GLRA3: variants seen among roughly 807,000 people sequenced by gnomAD.
GLRA3 encodes the protein glycine receptor alpha 3.
Under a neutral mutation model 60.4 loss-of-function variants are expected in GLRA3, and 44 were observed. The observed-to-expected ratio is 0.73, with a 90% confidence interval of 0.57 to 0.94. The LOEUF (loss-of-function observed/expected upper bound fraction) is 0.94. GLRA3 is among the 40% of genes least tolerant of loss of function. The pLI is 0.00. For missense variants in GLRA3, 508 were observed against 564.6 expected (o/e 0.90, Z 1.02); for synonymous variants, 223 against 192.9 (o/e 1.16, Z -1.29).
At chr4:174,715,801 G>A (rs1240698143) in intron 4 of GLRA3, among the ~76,000 whole-genome samples, 19 of 152,142 alleles carry the variant, frequency 1.2e-4, no homozygotes, top group South Asian at 4.1e-4. Context: ...TAAAGTAATC[G>A]TGGGTTTTGC....
chr4:174,757,148 T>A (rs993092910), intron 3 of GLRA3, among the ~76,000 whole-genome samples: 2 of 152,164 alleles, frequency 1.3e-5, no homozygotes, highest in African/African-American at 2.4e-5. Context: ...TACAAAAAAT[T>A]GGAAAAGTAC....
intron 5 of GLRA3, among the ~76,000 whole-genome samples, chr4:174,690,133 G>A (rs1278139516): frequency 6.6e-6 from 1 of 152,058 alleles, no homozygotes; most frequent in African/African-American, 2.4e-5. Flanking sequence ...TTGTAAGTGG[G>A]AAAAAAATAA....
intron 2 of GLRA3, among the ~76,000 whole-genome samples, chr4:174,779,760 A>G (rs1738787834): frequency 6.6e-6 from 1 of 152,010 alleles, no homozygotes; most frequent in Non-Finnish European, 1.5e-5. Context: ...GGAAGTTTAG[A>G]GAAAAAAGAA....
intron 1 of GLRA3, among the ~76,000 whole-genome samples, chr4:174,811,876 AT>A (rs1740289111): frequency 6.6e-6 from 1 of 152,148 alleles, no homozygotes; most frequent in Non-Finnish European, 1.5e-5. Context: ...TTTCAGGTAC[AT>A]TTTTCTAGTC....
chr4:174,661,811 G>T (rs1451569849), intron 7 of GLRA3, among the ~76,000 whole-genome samples: 1 of 152,164 alleles, frequency 6.6e-6, no homozygotes, highest in African/African-American at 2.4e-5. Context: ...GTAGAAAAGG[G>T]AAGGGAAGAA....
chr4:174,711,788 G>A (rs1174246405), intron 5 of GLRA3, among the ~76,000 whole-genome samples: 2 of 151,920 alleles, frequency 1.3e-5, no homozygotes, highest in African/African-American at 4.8e-5. Flanking sequence ...ATTTTTTTCT[G>A]CCATTAATTT....
At chr4:174,779,627 C>T (rs376949059) in intron 2 of GLRA3, among the ~76,000 whole-genome samples, 24 of 152,088 alleles carry the variant, frequency 1.6e-4, no homozygotes, top group South Asian at 6.2e-4. Flanking sequence ...AAGGAGCTGA[C>T]GGAGCTGAAA....
At chr4:174,677,344 C>A in intron 6 of GLRA3, 52 bp from the exon 7 acceptor site, 1 of 1,014,974 alleles carries the variant, frequency 9.9e-7, no homozygotes, top group Non-Finnish European at 1.5e-6. Flanking sequence ...GTCTTTGTTA[C>A]GGCATCAAAT....
chr4:174,699,254 A>C (rs1198319852), intron 5 of GLRA3, among the ~76,000 whole-genome samples: 1 of 152,188 alleles, frequency 6.6e-6, no homozygotes, highest in Non-Finnish European at 1.5e-5. Context: ...AACCCGTCTC[A>C]GCCTCCCAAA....
At chr4:174,820,237 T>C (rs753055197) in intron 1 of GLRA3, among the ~76,000 whole-genome samples, 1 of 152,104 alleles carries the variant, frequency 6.6e-6, no homozygotes, top group Non-Finnish European at 1.5e-5. Flanking sequence ...CACATAAAAT[T>C]AGGAATAAAG....
chr4:174,648,276 G>A (rs901812461), intron 9 of GLRA3, among the ~76,000 whole-genome samples: 4 of 152,024 alleles, frequency 2.6e-5, no homozygotes, highest in African/African-American at 9.7e-5. Context: ...GCCTGGCCAA[G>A]ATGGCGAAAC....
chr4:174,671,447 T>A (rs962808920), intron 7 of GLRA3, among the ~76,000 whole-genome samples: 1 of 152,172 alleles, frequency 6.6e-6, no homozygotes, highest in African/African-American at 2.4e-5. Flanking sequence ...ACAGTGAATA[T>A]AAATCCTTCA....
At chr4:174,773,964 GTA>G (rs1390829246) in intron 2 of GLRA3, among the ~76,000 whole-genome samples, 2 of 67,678 alleles carry the variant, frequency 3.0e-5, no homozygotes, top group African/African-American at 9.2e-5. Flanking sequence ...AGAGGAAAAT[GTA>G]CACCCACAAT....
At chr4:174,818,333 T>C (rs1486883551) in intron 1 of GLRA3, among the ~76,000 whole-genome samples, 2 of 152,230 alleles carry the variant, frequency 1.3e-5, no homozygotes, top group African/African-American at 4.8e-5. Context: ...ATTTTTTTCA[T>C]ATCAAGCTTT....
chr4:174,695,953 ACT>A (rs1365498225), intron 5 of GLRA3, among the ~76,000 whole-genome samples: 1 of 152,108 alleles, frequency 6.6e-6, no homozygotes, highest in Non-Finnish European at 1.5e-5. Flanking sequence ...CAACAGCCAC[ACT>A]GAGAGCCAAA....
intron 6 of GLRA3, among the ~76,000 whole-genome samples, chr4:174,681,954 AT>A (rs1362060872): frequency 6.6e-6 from 1 of 152,186 alleles, no homozygotes; most frequent in African/African-American, 2.4e-5. Context: ...GATATTGTGA[AT>A]TTGCTAAGGA....
intron 7 of GLRA3, among the ~76,000 whole-genome samples, chr4:174,674,036 T>G (rs1468831485): frequency 6.6e-6 from 1 of 152,222 alleles, no homozygotes. Context: ...CTAGCTCTGT[T>G]GCTACCAATC....
At chr4:174,743,720 T>C (rs1210692268) in intron 3 of GLRA3, among the ~76,000 whole-genome samples, 1 of 152,234 alleles carries the variant, frequency 6.6e-6, no homozygotes, top group African/African-American at 2.4e-5. Context: ...TTAGGTTTCC[T>C]TATAACCCTT....
In GLRA3 at chr4:174,642,409, A is replaced by C. The variant is rs917071893; in HGVS notation, c.*1377T>G. ...CTGACCAATAATTAAAATACCTAAA[A>C]AGCATTCCAAAGCTTTTCCAAATAA... On this transcript the variant is annotated 3_prime_UTR_variant, in exon 10 of 10. Coordinates refer to ENST00000274093, the MANE Select transcript of GLRA3 (RefSeq NM_006529.4). 7.3e-6 allele frequency: 7 copies of C among 961,446 alleles called. No individual in the cohort carries two copies. Among genetic ancestry groups the C allele is most frequent in the Non-Finnish European group, 8.7e-6 (7 of 808,300 alleles). The allele number at this position is 961,446 out of a possible 1,614,324, so 59.6% of individuals were successfully genotyped here.
Sources: gnomAD v4.1 joint callset for allele counts (sites outside exome capture counted in the v4.1 genomes callset) on GRCh38, gnomAD v4.1.1 for gene constraint, MANE v1.5 for transcripts, NCBI Gene and HGNC (gene_info 2026-07-23, HGNC 2026-07-21) for gene names.